Variants in ZNF723 observed in about 807,000 individuals in gnomAD.
ZNF723 encodes the protein zinc finger protein 723, pseudogene.
In ZNF723, 5 loss-of-function variants were observed where a neutral mutation model predicts 9.4. The observed-to-expected ratio is 0.53, with a 90% CI of 0.28 to 1.12. The LOEUF (loss-of-function observed/expected upper bound fraction) is 1.12. Ranked by LOEUF, ZNF723 falls within the 50% of genes most tolerant of loss-of-function variation. The pLI, the probability that ZNF723 is intolerant of heterozygous loss-of-function variation, is 0.10. For synonymous variants in ZNF723, 158 were observed against 168.8 expected, an observed-to-expected ratio of 0.94 and a Z score of 0.49; for missense variants, 450 against 501.5, an observed-to-expected ratio of 0.90 and a Z score of 0.98.
upstream of ZNF723, among the ~76,000 whole-genome samples, chr19:22,829,349 G>C (rs1451351304): frequency 1.3e-5 from 2 of 150,688 alleles, no homozygotes; most frequent in East Asian, 3.9e-4. Context: ...GCAGCGGCGA[G>C]ATTTCCGTGC....
upstream of ZNF723, among the ~76,000 whole-genome samples, chr19:22,832,152 A>C (rs561952009): frequency 2.6e-5 from 4 of 152,264 alleles, no homozygotes; most frequent in South Asian, 8.3e-4. Context: ...TGAACCCAGC[A>C]TCTGATCACA....
intron 3 of ZNF723, among the ~76,000 whole-genome samples, chr19:22,854,749 T>C (rs1967448623): frequency 6.6e-6 from 1 of 152,180 alleles, no homozygotes; most frequent in Non-Finnish European, 1.5e-5. Context: ...TTCAGCTGAA[T>C]ACGAAAATGT....
chr19:22,840,845 A>G (rs1180493724), intron 1 of ZNF723: 1 of 152,246 alleles, frequency 6.6e-6, no homozygotes, highest in African/African-American at 2.4e-5. Flanking sequence ...TGAGGCTGAA[A>G]CACTGCTCCC....
chr19:22,853,314 A>G (rs1284934424), intron 3 of ZNF723, among the ~76,000 whole-genome samples: 2 of 151,968 alleles, frequency 1.3e-5, no homozygotes, highest in African/African-American at 2.4e-5. Flanking sequence ...TTGAGATTCC[A>G]TATACTTTTG....
In ZNF723 at chr19:22,857,705, C is replaced by T. The variant is rs899175160; in HGVS notation, c.814C>T (p.Leu272Phe). The T allele has an allele frequency of 1.4e-5, 18 of 1,268,906 alleles. No homozygotes were observed. Among genetic ancestry groups the T allele is most frequent in the Non-Finnish European group, 8.1e-6 (7 of 866,434 alleles). The allele number at this position is 1,268,906 out of a possible 1,614,324, so 78.6% of individuals were successfully genotyped here. A position where few individuals can be genotyped will look rare whatever the true frequency, so the allele number is the denominator to read the frequency against. The change falls in exon 4 of 4, where the codon CTT (leucine) becomes TTT (phenylalanine). Residue 272 changes from leucine (L) to phenylalanine (F), a missense_variant. Leu to Phe is a conservative substitution (Grantham distance 22, BLOSUM62 0). Coordinates refer to ENST00000600766, the MANE Select transcript of ZNF723 (RefSeq NM_001349726.2). ...CAAAACCTTTAATATGTTCTCAAGC[C>T]TTAATAATCATAAGAGAATTCACAC... Reference protein sequence around the residue: ...CGKTFNMFSSLNNHKRIHTGE... With the variant: ...CGKTFNMFSSFNNHKRIHTGE...
At chr19:22,831,908 C>CA (rs34288194), upstream of ZNF723, among the ~76,000 whole-genome samples, 1,868 of 143,186 alleles carry the variant, frequency 0.013, 35 homozygotes, top group African/African-American at 0.044. Context: ...GACTCTGTCT[C>CA]AAAAAAAAAA....
the ZNF723 span, among the ~76,000 whole-genome samples, chr19:22,816,150 T>C: frequency 6.6e-6 from 1 of 152,218 alleles, no homozygotes; most frequent in African/African-American, 2.4e-5. Context: ...TAATGTATAT[T>C]GTAGAAAGCC....
the ZNF723 span, among the ~76,000 whole-genome samples, chr19:22,815,854 G>A: frequency 1.3e-5 from 2 of 152,164 alleles, no homozygotes; most frequent in African/African-American, 4.8e-5. Flanking sequence ...TCTTGTATGT[G>A]AATCCCATCA....
chr19:22,855,627 T>A (rs1967466723), intron 3 of ZNF723, among the ~76,000 whole-genome samples: 1 of 152,180 alleles, frequency 6.6e-6, no homozygotes, highest in Non-Finnish European at 1.5e-5. Flanking sequence ...TTTTCAGAAT[T>A]TGATTACTTT....
Position 22,832,345 on chromosome 19 carries a change from C to T in ZNF723, c.-35C>T. On this transcript the variant is annotated 5_prime_UTR_variant, in exon 1 of 4. Coordinates refer to ENST00000600766, the MANE Select transcript of ZNF723 (RefSeq NM_001349726.2). ...TGACCTACATGCATTGGGAGATCCACAGCTAAGACGCCAGGACTCCCTGGA... is the reference window on the plus strand; with the variant it reads ...TGACCTACATGCATTGGGAGATCCATAGCTAAGACGCCAGGACTCCCTGGA... 1 of 1,383,014 alleles carries T rather than the reference C, an allele frequency of 7.2e-7. No individual in the cohort carries two copies. 85.7% of individuals were successfully genotyped at this position (1,383,014 alleles called of 1,614,324 possible).
chr19:22,829,732 GGT>G (rs971292192), upstream of ZNF723, among the ~76,000 whole-genome samples: 9 of 100,786 alleles, frequency 8.9e-5, no homozygotes, highest in African/African-American at 3.5e-4. Flanking sequence ...TTTTTTGATA[GGT>G]TTTTTTTCAT....
intron 3 of ZNF723, among the ~76,000 whole-genome samples, chr19:22,852,155 A>G (rs1485916667): frequency 1.3e-5 from 2 of 152,064 alleles, no homozygotes; most frequent in Non-Finnish European, 2.9e-5. Context: ...TAATCTCTGT[A>G]TTACTTTTTC....
At chr19:22,821,529 C>G in the ZNF723 span, among the ~76,000 whole-genome samples, 3 of 152,000 alleles carry the variant, frequency 2.0e-5, no homozygotes, top group Non-Finnish European at 4.4e-5. Context: ...GTGAAATACT[C>G]CTGGGCCCAG....
At chr19:22,846,244 T>A (rs746316305) in intron 1 of ZNF723, among the ~76,000 whole-genome samples, 1 of 152,142 alleles carries the variant, frequency 6.6e-6, no homozygotes, top group Non-Finnish European at 1.5e-5. Flanking sequence ...GTATCCTTAG[T>A]AAAGATGGAG....
chr19:22,825,103 G>C, the ZNF723 span, among the ~76,000 whole-genome samples: 598 of 152,290 alleles, frequency 3.9e-3, 3 homozygotes, highest in African/African-American at 0.014. Context: ...CAGGGACACT[G>C]ATCACCTTGA....
At chr19:22,827,532 C>T (rs1036673993), upstream of ZNF723, among the ~76,000 whole-genome samples, 1 of 151,918 alleles carries the variant, frequency 6.6e-6, no homozygotes, top group Non-Finnish European at 1.5e-5. Context: ...ACCACAACCT[C>T]CACCTCCTGG....
chr19:22,844,683 G>A (rs987455755), intron 1 of ZNF723, among the ~76,000 whole-genome samples: 2 of 152,176 alleles, frequency 1.3e-5, no homozygotes, highest in African/African-American at 4.8e-5. Context: ...TTAGGATGGA[G>A]ATTAGTTATC....
At position 22,849,252 on chromosome 19, in the gene ZNF723, C is replaced by T. The variant is rs1311467629; in HGVS notation, c.185C>T (p.Pro62Leu). Residue 62 changes from proline to leucine, a missense_variant, in exon 3 of 4, where the codon CCC becomes CTC. Pro to Leu is a moderately conservative substitution (Grantham distance 98). Around this residue, in one of 5 missense-constraint regions of ZNF723, gnomAD observed 143 missense variants for 101.3 expected, o/e 1.41. Coordinates refer to ENST00000600766, the MANE Select transcript of ZNF723 (RefSeq NM_001349726.2). Reference protein sequence around the residue: ...LITCLEQGKEPWNMKRHKMVA... With the variant: ...LITCLEQGKELWNMKRHKMVA... ...ACCTGTCTGGAGCAAGGAAAAGAGCCCTGGAATATGAAGAGACACAAGATG... is the reference window on the plus strand; with the variant it reads ...ACCTGTCTGGAGCAAGGAAAAGAGCTCTGGAATATGAAGAGACACAAGATG... 4.6e-6 allele frequency: 3 copies of T among 652,522 alleles called. No individual in the cohort carries two copies. Among genetic ancestry groups the T allele is most frequent in the Non-Finnish European group, 8.4e-6 (3 of 356,696 alleles). The allele number at this position is 652,522 out of a possible 1,614,324, so 40.4% of individuals were successfully genotyped here. A position where few individuals can be genotyped will look rare whatever the true frequency, so the allele number is the denominator to read the frequency against.
Position 22,848,312 on chromosome 19 carries a change from C to A in ZNF723, c.55C>A (p.Gln19Lys). The change falls in exon 2 of 4, where the codon CAA becomes AAA. Residue 19 changes from glutamine to lysine, a missense_variant. Physicochemically the swap from Gln to Lys is moderately conservative, Grantham distance 53 (BLOSUM62 1). Around this residue, in one of 5 missense-constraint regions of ZNF723, gnomAD observed 19 missense variants for 20.1 expected, o/e 0.95. Coordinates refer to ENST00000600766, the MANE Select transcript of ZNF723 (RefSeq NM_001349726.2). Reference protein sequence around the residue: ...VAIKFSLEEWQFLDTAQQNLY... With the variant: ...VAIKFSLEEWKFLDTAQQNLY... ...AATAAAATTTTCTCTGGAGGAGTGG[C>A]AATTCCTGGACACTGCACAGCAGAA... 3.6e-6 allele frequency: 5 copies of A among 1,371,046 alleles called. No homozygotes were observed. Among genetic ancestry groups the A allele is most frequent in the Non-Finnish European group, 5.1e-6 (5 of 978,020 alleles). 84.9% of individuals were successfully genotyped at this position (1,371,046 alleles called of 1,614,324 possible).
Sources: allele counts gnomAD v4.1 joint callset (sites outside exome capture counted in the v4.1 genomes callset), GRCh38; gene constraint gnomAD v4.1.1; regional missense constraint gnomAD v4.1.1; transcripts MANE v1.5; gene names NCBI Gene and HGNC (gene_info 2026-07-23, HGNC 2026-07-21).